Variants in DDX10 observed in about 807,000 individuals in gnomAD.
DDX10 encodes the protein DEAD-box helicase 10, also known as probable ATP-dependent RNA helicase DDX10.
A neutral mutation model predicts 104.3 loss-of-function variants in DDX10; 74 were observed. That is an observed-to-expected ratio of 0.71 (90% CI 0.59 to 0.86). DDX10 has a LOEUF of 0.86. Among genes scored for constraint, DDX10 ranks in the 40% least tolerant of loss-of-function variants. DDX10 has a pLI of 0.00. For missense variants in DDX10, 952 were observed against 1,040.0 expected (o/e 0.92, Z 1.16); for synonymous variants, 351 against 353.4 (o/e 0.99, Z 0.08).
intron 13 of DDX10, among the ~76,000 whole-genome samples, chr11:108,802,919 A>G (rs1862043379): frequency 6.6e-6 from 1 of 151,934 alleles, no homozygotes; most frequent in Admixed American, 6.6e-5. Flanking sequence ...CTTAAGAACT[A>G]TCAGTCCAAG....
At chr11:108,819,573 T>C (rs1337366553) in intron 13 of DDX10, among the ~76,000 whole-genome samples, 1 of 152,152 alleles carries the variant, frequency 6.6e-6, no homozygotes, top group East Asian at 1.9e-4. Flanking sequence ...AAAGGGTTTG[T>C]TCAAGTAGAA....
intron 16 of DDX10, among the ~76,000 whole-genome samples, chr11:108,892,998 A>G (rs1287612994): frequency 6.6e-6 from 1 of 152,150 alleles, no homozygotes; most frequent in African/African-American, 2.4e-5. Flanking sequence ...AGAATCTTAT[A>G]TGTGAAATCT....
chr11:108,895,062 A>G (rs1304632422), intron 16 of DDX10, among the ~76,000 whole-genome samples: 1 of 152,062 alleles, frequency 6.6e-6, no homozygotes, highest in Non-Finnish European at 1.5e-5. Context: ...TTGTAATTTA[A>G]GTTCAGCCAG....
chr11:108,732,604 T>C (rs2134486335), intron 13 of DDX10, among the ~76,000 whole-genome samples: 1 of 152,284 alleles, frequency 6.6e-6, no homozygotes, highest in Admixed American at 6.5e-5. Flanking sequence ...ACGAGATCGA[T>C]GCAGTGAAGG....
intron 13 of DDX10, among the ~76,000 whole-genome samples, chr11:108,734,939 A>C (rs1391912953): frequency 6.6e-6 from 1 of 152,238 alleles, no homozygotes; most frequent in Non-Finnish European, 1.5e-5. Flanking sequence ...AATGCTGTTC[A>C]TAAGACCACT....
chr11:108,886,647 G>A (rs577257958), intron 16 of DDX10, among the ~76,000 whole-genome samples: 1 of 152,262 alleles, frequency 6.6e-6, no homozygotes, highest in South Asian at 2.1e-4. Flanking sequence ...CAGAAACAAA[G>A]TAGCTTTTAT....
At chr11:108,750,926 CTTTTTTTTTTTTTT>C (rs10582729) in intron 13 of DDX10, among the ~76,000 whole-genome samples, 10 of 24,250 alleles carry the variant, frequency 4.1e-4, no homozygotes, top group South Asian at 1.9e-3. Flanking sequence ...CACCTGGTTA[CTTTTTTTTTTTTTT>C]TTTTTTTTTT....
intron 17 of DDX10, among the ~76,000 whole-genome samples, chr11:108,924,324 C>T (rs1003681227): frequency 6.6e-6 from 1 of 152,096 alleles, no homozygotes; most frequent in African/African-American, 2.4e-5. Context: ...CAGGGTATTT[C>T]GTAGATTATT....
At chr11:108,830,723 C>T in intron 13 of DDX10, among the ~76,000 whole-genome samples, 1 of 152,108 alleles carries the variant, frequency 6.6e-6, no homozygotes, top group Non-Finnish European at 1.5e-5. Context: ...TGGCTATGTC[C>T]CTTCTTTGCT....
At position 108,671,443 on chromosome 11, in the gene DDX10, C is replaced by T. The variant is rs185922408; in HGVS notation, c.187-2024C>T. On this transcript the variant is annotated intron_variant, in intron 1 of 17. Coordinates refer to ENST00000322536, the MANE Select transcript of DDX10 (RefSeq NM_004398.4). Reference sequence around the variant, plus strand: ...CCTCCCAAAGTGTTGGGATTACAGGCGTGAGCCATCGTGCCTGGCTGGGTT... The same window carrying T: ...CCTCCCAAAGTGTTGGGATTACAGGTGTGAGCCATCGTGCCTGGCTGGGTT... Among the ~76,000 whole-genome samples the T allele has an allele frequency of 6.6e-5, 10 of 152,340 alleles. No individual in the cohort carries two copies. In the East Asian group the frequency reaches 1.7e-3, roughly 26 times the overall value.
At chr11:108,863,472 A>G (rs1259213485) in intron 16 of DDX10, among the ~76,000 whole-genome samples, 5 of 152,146 alleles carry the variant, frequency 3.3e-5, no homozygotes, top group African/African-American at 1.2e-4. Flanking sequence ...CCCCCTTACT[A>G]CAGATACATT....
At chr11:108,811,102 C>T (rs1203837649) in intron 13 of DDX10, among the ~76,000 whole-genome samples, 1 of 152,116 alleles carries the variant, frequency 6.6e-6, no homozygotes, top group African/African-American at 2.4e-5. Flanking sequence ...CATAGCTGGC[C>T]ACTTGATACA....
chr11:108,674,092 G>C (rs1009319523), intron 2 of DDX10, among the ~76,000 whole-genome samples: 2 of 152,106 alleles, frequency 1.3e-5, no homozygotes, highest in African/African-American at 2.4e-5. Flanking sequence ...GGGAGGCCGA[G>C]GTGGGTGGAT....
chr11:108,867,277 T>G (rs1178179093), intron 16 of DDX10, among the ~76,000 whole-genome samples: 1 of 152,162 alleles, frequency 6.6e-6, no homozygotes, highest in African/African-American at 2.4e-5. Flanking sequence ...ACTGAAGAGT[T>G]GAGAGAAGTA....
intron 1 of DDX10, among the ~76,000 whole-genome samples, chr11:108,670,043 G>A (rs1014389214): frequency 2.6e-5 from 4 of 152,184 alleles, no homozygotes; most frequent in Admixed American, 1.3e-4. Context: ...GCCACTATTT[G>A]TGGTAATTTA....
chr11:108,717,185 T>C (rs979452999), intron 11 of DDX10, among the ~76,000 whole-genome samples: 2 of 152,156 alleles, frequency 1.3e-5, no homozygotes, highest in African/African-American at 4.8e-5. Context: ...GGAGGAAGAA[T>C]ATAAAGAAGA....
chr11:108,683,031 T>C (rs1281779308), intron 6 of DDX10, among the ~76,000 whole-genome samples: 1 of 152,236 alleles, frequency 6.6e-6, no homozygotes, highest in Non-Finnish European at 1.5e-5. Context: ...TGATCTGGTC[T>C]AGCCTGGCAA....
chr11:108,696,020 C>G (rs1266997033), intron 9 of DDX10, among the ~76,000 whole-genome samples: 1 of 152,116 alleles, frequency 6.6e-6, no homozygotes, highest in Non-Finnish European at 1.5e-5. Context: ...GTATATGATA[C>G]TGTACATTTA....
At chr11:108,784,367 G>A (rs952183938) in intron 13 of DDX10, among the ~76,000 whole-genome samples, 4 of 151,914 alleles carry the variant, frequency 2.6e-5, no homozygotes, top group Non-Finnish European at 5.9e-5. Context: ...GTATCTCTTT[G>A]TGGTTTTGAT....
Sources: allele counts gnomAD v4.1 joint callset (sites outside exome capture counted in the v4.1 genomes callset), GRCh38; gene constraint gnomAD v4.1.1; transcripts MANE v1.5; gene names NCBI Gene and HGNC (gene_info 2026-07-23, HGNC 2026-07-21).